AMMECR1: variants seen among roughly 807,000 people sequenced by gnomAD.
AMMECR1 encodes nuclear protein AMMECR1.
A neutral mutation model predicts 22.5 loss-of-function variants in AMMECR1; 3 were observed. That is an observed-to-expected ratio of 0.13 (90% CI 0.06 to 0.35). The LOEUF (loss-of-function observed/expected upper bound fraction) is 0.35. Ranked by LOEUF, AMMECR1 falls within the 10% of genes least tolerant of loss-of-function variation. AMMECR1 has a pLI of 1.00. For missense variants in AMMECR1, 235 were observed against 278.7 expected (o/e 0.84, Z 1.12); for synonymous variants, 130 against 116.7 (o/e 1.11, Z -0.74).
At position 110,413,749 on chromosome X, in the gene AMMECR1, G is replaced by C. The variant is rs184624337; in HGVS notation, c.-148+12909C>G. ...ACCTCAGGAGGCTCTCCAGTTTTTTGAGCCCCCTCCATCCATTTCTTCCAT... is the reference window on the plus strand; with the variant it reads ...ACCTCAGGAGGCTCTCCAGTTTTTTCAGCCCCCTCCATCCATTTCTTCCAT... On this transcript the variant is annotated intron_variant, in intron 2 of 7. Transcript: ENST00000372057. 3.8e-3 allele frequency among the ~76,000 whole-genome samples: 421 copies of C among 110,196 alleles called. 3 individuals carry two copies. Among genetic ancestry groups the C allele is most frequent in the African/African-American group, 0.012 (359 of 30,261 alleles).
chrX:110,412,203 A>G (rs758946207), intron 2 of AMMECR1, among the ~76,000 whole-genome samples: 2 of 112,435 alleles, frequency 1.8e-5, no homozygotes, highest in East Asian at 5.6e-4. Flanking sequence ...GAAACAGCAC[A>G]CTCATTCACT....
At chrX:110,209,653 T>C (rs994155694) in intron 3 of AMMECR1, among the ~76,000 whole-genome samples, 1 of 111,532 alleles carries the variant, frequency 9.0e-6, no homozygotes, top group African/African-American at 3.3e-5. Context: ...ATTCATTCTC[T>C]GGACAATGAA....
At chrX:110,269,885 T>C (rs2067789815) in intron 1 of AMMECR1, among the ~76,000 whole-genome samples, 1 of 112,079 alleles carries the variant, frequency 8.9e-6, no homozygotes, top group Non-Finnish European at 1.9e-5. Context: ...TAAAATACTA[T>C]ACACTAGGTG....
In AMMECR1 at chrX:110,401,266, C is replaced by A. The variant is rs757146174; in HGVS notation, c.-148+25392G>T. ...TATGGTGAGCAGAGTCAGCTCTGGG[C>A]AAAATGGTGAAATAAGCCAAGTTTG... On this transcript the variant is annotated intron_variant, in intron 2 of 7. Coordinates refer to the AMMECR1 transcript ENST00000372057. Among the ~76,000 whole-genome samples, 25 of 110,901 alleles carry A rather than the reference C, an allele frequency of 2.3e-4. 1 individual carries two copies. The highest frequency in any genetic ancestry group is 1.8e-3 in the Admixed American group (19 of 10,459).
chrX:110,407,829 C>T (rs2068613668), intron 2 of AMMECR1, among the ~76,000 whole-genome samples: 1 of 112,568 alleles, frequency 8.9e-6, no homozygotes, highest in South Asian at 3.7e-4. Flanking sequence ...TAATTCTTTC[C>T]TGTTTCAATA....
rs1211350769 is a variant in AMMECR1 at position 110,232,915 on chromosome X, A to G, written c.585-16283T>C. On this transcript the variant is annotated intron_variant, in intron 2 of 5. Coordinates refer to ENST00000262844, the MANE Select transcript of AMMECR1 (RefSeq NM_015365.3). The stretch of plus-strand genomic sequence containing the variant: ...AAAAAAAAAAAAAAAAAAAAAAAAA[A>G]AAGAACTAGAGAAGCAAGAGCAAAC... 4.5e-4 allele frequency among the ~76,000 whole-genome samples: 47 copies of G among 103,544 alleles called. 1 individual carries two copies. Among genetic ancestry groups the G allele is most frequent in the Non-Finnish European group, 7.3e-4 (37 of 50,621 alleles). 89.9% of individuals were successfully genotyped at this position (103,544 alleles called of 115,157 possible). A position where few individuals can be genotyped will look rare whatever the true frequency, so the allele number is the denominator to read the frequency against.
intron 2 of AMMECR1, among the ~76,000 whole-genome samples, chrX:110,418,502 A>C (rs931495278): frequency 8.9e-6 from 1 of 111,980 alleles, no homozygotes; most frequent in Admixed American, 9.4e-5. Flanking sequence ...ATCAGGGCCA[A>C]ATGAGTTTTT....
intron 2 of AMMECR1, chrX:110,225,091 C>A (rs746964817): frequency 8.2e-6 from 3 of 363,658 alleles, no homozygotes; most frequent in Admixed American, 8.1e-5. Flanking sequence ...GTATTCTTAT[C>A]ACTAAAAAAA....
intron 2 of AMMECR1, among the ~76,000 whole-genome samples, chrX:110,332,306 A>G (rs886360073): frequency 8.9e-6 from 1 of 112,310 alleles, no homozygotes; most frequent in Non-Finnish European, 1.9e-5. Flanking sequence ...ACAGACTGTC[A>G]AAGAGCATAT....
intron 3 of AMMECR1, among the ~76,000 whole-genome samples, chrX:110,214,313 T>C (rs996180279): frequency 7.2e-5 from 8 of 111,126 alleles, no homozygotes; most frequent in African/African-American, 2.6e-4. Context: ...TAATACTTAA[T>C]AGAAATTAAT....
At chrX:110,264,463 C>A in intron 2 of AMMECR1, 26 bp downstream of exon 2, 4 of 921,261 alleles carry the variant, frequency 4.3e-6, no homozygotes, top group Non-Finnish European at 6.1e-6. Context: ...AATGTAAAAG[C>A]AGAGGTAACA....
intron 2 of AMMECR1, among the ~76,000 whole-genome samples, chrX:110,414,964 A>G (rs1202019326): frequency 2.7e-5 from 3 of 111,160 alleles, no homozygotes; most frequent in Non-Finnish European, 5.7e-5. Flanking sequence ...AAGAAAGCAT[A>G]TATATATATA....
chrX:110,360,094 T>A (rs1420726978), intron 2 of AMMECR1, among the ~76,000 whole-genome samples: 1 of 111,642 alleles, frequency 9.0e-6, no homozygotes, highest in Non-Finnish European at 1.9e-5. Context: ...TCAACAGCAC[T>A]GTCTCTGGGC....
At chrX:110,391,395 G>C (rs1332377526) in intron 2 of AMMECR1, among the ~76,000 whole-genome samples, 1 of 112,120 alleles carries the variant, frequency 8.9e-6, no homozygotes, top group East Asian at 2.8e-4. Flanking sequence ...GGATTAATAA[G>C]TGCTGATTTA....
intron 2 of AMMECR1, among the ~76,000 whole-genome samples, chrX:110,326,657 T>C (rs2068098933): frequency 1.8e-5 from 2 of 112,215 alleles, no homozygotes; most frequent in Admixed American, 1.9e-4. Flanking sequence ...AAGTCTTCTG[T>C]TTCCTTATTG....
intron 2 of AMMECR1, among the ~76,000 whole-genome samples, chrX:110,353,415 A>G (rs1411802136): frequency 9.2e-6 from 1 of 108,124 alleles, no homozygotes; most frequent in Non-Finnish European, 1.9e-5. Flanking sequence ...TTTATTTAAG[A>G]GCTTTCTTCT....
At chrX:110,260,150 T>G (rs1424053513) in intron 2 of AMMECR1, among the ~76,000 whole-genome samples, 5 of 111,852 alleles carry the variant, frequency 4.5e-5, no homozygotes, top group Non-Finnish European at 9.4e-5. Context: ...TCAATAATTC[T>G]GAGCTCTCCA....
At chrX:110,417,054 G>T (rs2068682690) in intron 2 of AMMECR1, among the ~76,000 whole-genome samples, 1 of 112,441 alleles carries the variant, frequency 8.9e-6, no homozygotes, top group Non-Finnish European at 1.9e-5. Flanking sequence ...ATTCGACAGA[G>T]ACTTCAGGAT....
chrX:110,212,290 C>T (rs2067451454), intron 3 of AMMECR1, among the ~76,000 whole-genome samples: 1 of 111,817 alleles, frequency 8.9e-6, no homozygotes. Flanking sequence ...ATCGTGGTCA[C>T]GTTCCTCATC....
Sources: allele counts gnomAD v4.1 joint callset (sites outside exome capture counted in the v4.1 genomes callset), GRCh38; gene constraint gnomAD v4.1.1; transcripts MANE v1.5; gene names NCBI Gene and HGNC (gene_info 2026-07-23, HGNC 2026-07-21).